The following DLG2 variants were observed in gnomAD, a reference collection of about 807,000 sequenced individuals.
DLG2 encodes disks large homolog 2.
Under a neutral mutation model 132.5 loss-of-function variants are expected in DLG2, and 45 were observed. The ratio of observed to expected loss-of-function variants is 0.34; its 90% confidence interval spans 0.27 to 0.44. The LOEUF is 0.44. DLG2 is among the 20% of genes least tolerant of loss of function. The pLI, the probability that DLG2 is intolerant of heterozygous loss-of-function variation, is 1.00. For missense variants in DLG2, 1,045 were observed against 1,196.9 expected, an observed-to-expected ratio of 0.87 and a Z score of 1.87; for synonymous variants, 424 against 419.6, an observed-to-expected ratio of 1.01 and a Z score of -0.13.
intron 6 of DLG2, among the ~76,000 whole-genome samples, chr11:84,740,256 C>T (rs549450876): frequency 9.2e-5 from 14 of 152,022 alleles, no homozygotes; most frequent in African/African-American, 3.1e-4. Context: ...CTTCTGCAGC[C>T]CCATCTCCCT....
At chr11:85,279,394 G>A (rs2078093976) in intron 4 of DLG2, among the ~76,000 whole-genome samples, 1 of 152,198 alleles carries the variant, frequency 6.6e-6, no homozygotes, top group Non-Finnish European at 1.5e-5. Flanking sequence ...AAAGAGGAGA[G>A]AGAAAGGAAA....
chr11:84,782,255 T>C (rs992893857), intron 6 of DLG2, among the ~76,000 whole-genome samples: 1 of 152,104 alleles, frequency 6.6e-6, no homozygotes, highest in African/African-American at 2.4e-5. Flanking sequence ...AAATATAACT[T>C]GATTAAATAT....
chr11:83,624,591 G>A (rs1382888392), intron 19 of DLG2, among the ~76,000 whole-genome samples: 1 of 152,146 alleles, frequency 6.6e-6, no homozygotes, highest in Non-Finnish European at 1.5e-5. Flanking sequence ...AGTACTTGAA[G>A]CAATAAAAGG....
chr11:83,749,043 C>T (rs1327490782), intron 18 of DLG2, among the ~76,000 whole-genome samples: 3 of 152,132 alleles, frequency 2.0e-5, no homozygotes, highest in Non-Finnish European at 2.9e-5. Context: ...GAGGCAGCTG[C>T]AGTATGTAGT....
At chr11:84,549,033 G>A (rs2099396427) in intron 6 of DLG2, among the ~76,000 whole-genome samples, 1 of 152,136 alleles carries the variant, frequency 6.6e-6, no homozygotes, top group Non-Finnish European at 1.5e-5. Flanking sequence ...GTTCAGTGTG[G>A]TATAAGTTTT....
chr11:85,106,846 C>T (rs1346916267), intron 6 of DLG2, among the ~76,000 whole-genome samples: 3 of 151,934 alleles, frequency 2.0e-5, no homozygotes, highest in African/African-American at 7.2e-5. Context: ...TAACTATGAC[C>T]AAATATTGCA....
chr11:84,707,950 A>C (rs2059952594), intron 6 of DLG2, among the ~76,000 whole-genome samples: 1 of 151,852 alleles, frequency 6.6e-6, no homozygotes, highest in Non-Finnish European at 1.5e-5. Context: ...AAACAAGAAA[A>C]ATAGAGACTT....
rs61334060 is a variant in DLG2 at position 85,584,339 on chromosome 11, GGTGTGTGTGTGTGTGTGTGTGT to G, written c.40+14296_40+14317del. ...CTTTTATGGCTGAGTAGTATTCCATGGTGTGTGTGTGTGTGTGTGTGTGTGTGTGTGTGTGTGTGTGTATCAC... is the reference window on the plus strand; with the variant it reads ...CTTTTATGGCTGAGTAGTATTCCATGGTGTGTGTGTGTGTGTGTGTATCAC... On this transcript the variant is annotated intron_variant, in intron 3 of 27. Transcript: ENST00000376104. 5.3e-3 allele frequency among the ~76,000 whole-genome samples: 775 copies of G among 145,070 alleles called. 5 individuals carry two copies. The highest frequency in any genetic ancestry group is 0.018 in the African/African-American group (717 of 39,244).
At chr11:84,646,086 C>T (rs4269947) in intron 6 of DLG2, among the ~76,000 whole-genome samples, 27,003 of 151,962 alleles carry the variant, frequency 0.18, 3,344 homozygotes, top group African/African-American at 0.35. Flanking sequence ...TTTAGTTTTC[C>T]ATAAAAAGCA....
intron 9 of DLG2, among the ~76,000 whole-genome samples, chr11:84,149,240 T>G (rs1269210235): frequency 2.0e-5 from 3 of 152,176 alleles, no homozygotes; most frequent in Non-Finnish European, 4.4e-5. Flanking sequence ...CGTTTGTCAA[T>G]TTTTGTTTTT....
chr11:83,691,147 C>T (rs1378439164), intron 18 of DLG2, among the ~76,000 whole-genome samples: 1 of 152,124 alleles, frequency 6.6e-6, no homozygotes, highest in Non-Finnish European at 1.5e-5. Flanking sequence ...GAGAGGTTGT[C>T]ACTTCTCCAT....
At chr11:84,537,809 G>C (rs1432970683) in intron 6 of DLG2, among the ~76,000 whole-genome samples, 1 of 152,168 alleles carries the variant, frequency 6.6e-6, no homozygotes, top group Non-Finnish European at 1.5e-5. Flanking sequence ...GTTGAATATA[G>C]CCATGAGCTA....
At chr11:84,442,077 G>T (rs2154477946) in intron 7 of DLG2, among the ~76,000 whole-genome samples, 1 of 152,084 alleles carries the variant, frequency 6.6e-6, no homozygotes, top group Middle Eastern at 3.4e-3. Flanking sequence ...GTTCTTTTTG[G>T]CTGGGATTTT....
chr11:85,078,787 T>G (rs1420860836), intron 6 of DLG2, among the ~76,000 whole-genome samples: 2 of 152,104 alleles, frequency 1.3e-5, no homozygotes, highest in African/African-American at 4.8e-5. Flanking sequence ...TCCACTGGAT[T>G]TGTCAACATA....
intron 3 of DLG2, among the ~76,000 whole-genome samples, chr11:85,367,226 G>C (rs2152910433): frequency 6.6e-6 from 1 of 152,202 alleles, no homozygotes; most frequent in African/African-American, 2.4e-5. Context: ...TTTATTATGA[G>C]GGATGATTGT....
At chr11:84,519,901 A>G (rs879498923) in intron 7 of DLG2, among the ~76,000 whole-genome samples, 12 of 152,150 alleles carry the variant, frequency 7.9e-5, no homozygotes, top group Non-Finnish European at 1.3e-4. Context: ...GTTTTATGCA[A>G]TATTTTTGTG....
chr11:83,562,757 T>C (rs11233674), intron 19 of DLG2, among the ~76,000 whole-genome samples: 32,761 of 151,856 alleles, frequency 0.22, 3,687 homozygotes, highest in Non-Finnish European at 0.23. Flanking sequence ...GTTTTTTCTA[T>C]AAAATTTTGT....
chr11:84,343,649 A>C (rs886318365), intron 7 of DLG2, among the ~76,000 whole-genome samples: 4 of 152,296 alleles, frequency 2.6e-5, no homozygotes, highest in Non-Finnish European at 5.9e-5. Flanking sequence ...TGTGCTTCAA[A>C]AAATGGCAAT....
intron 15 of DLG2, among the ~76,000 whole-genome samples, chr11:83,929,527 A>G (rs1365516222): frequency 1.3e-5 from 2 of 152,222 alleles, no homozygotes; most frequent in Non-Finnish European, 2.9e-5. Context: ...TAGGCTTTGG[A>G]ATACTAACAC....
Sources: gnomAD v4.1 joint callset for allele counts (sites outside exome capture counted in the v4.1 genomes callset) on GRCh38, gnomAD v4.1.1 for gene constraint, MANE v1.5 for transcripts, NCBI Gene and HGNC (gene_info 2026-07-23, HGNC 2026-07-21) for gene names.